Variants in EHD4 observed in about 807,000 individuals in gnomAD.
EHD4 encodes the protein EH domain containing 4, also known as EH domain-containing protein 4.
A neutral mutation model predicts 51.0 loss-of-function variants in EHD4; 37 were observed. The observed-to-expected ratio is 0.73, with a 90% CI of 0.56 to 0.95. The LOEUF (loss-of-function observed/expected upper bound fraction) is 0.95. Ranked by LOEUF, EHD4 falls within the 40% of genes least tolerant of loss-of-function variation. The pLI is 0.00. For synonymous variants in EHD4, 297 were observed against 317.3 expected (o/e 0.94, Z 0.68); for missense variants, 632 against 733.1 (o/e 0.86, Z 1.59).
chr15:41,959,961 CAAA>C (rs575509600), intron 1 of EHD4, among the ~76,000 whole-genome samples: 6 of 58,024 alleles, frequency 1.0e-4, no homozygotes, highest in Non-Finnish European at 1.1e-4. Flanking sequence ...GACTCCACCT[CAAA>C]AAAAAAAAAA....
chr15:41,900,750 G>C lies in EHD4; in HGVS notation c.1521C>G (p.Ala507=). 1 of 1,613,710 alleles carries C rather than the reference G, an allele frequency of 6.2e-7. No homozygotes were observed. The highest frequency in any genetic ancestry group is 8.5e-7 in the Non-Finnish European group (1 of 1,180,028). ...CGAGCTTGATCTTGATGAGGTGCTTGGCCAGCGCGAACTCCTCCTCATCAA... is the reference window on the plus strand; with the variant it reads ...CGAGCTTGATCTTGATGAGGTGCTTCGCCAGCGCGAACTCCTCCTCATCAA... ...GMLDEEEFAL[A]KHLIKIKLDG... The change falls in exon 6 of 6, where the codon GCC becomes GCG. Residue 507 remains alanine (A), a synonymous_variant. Coordinates refer to ENST00000220325, the MANE Select transcript of EHD4 (RefSeq NM_139265.4). This position sits in a 1 kb window ranked among gnomAD's most constrained non-coding sequence, Gnocchi z 4.8.
At chr15:41,907,175 G>A (rs1339148002) in intron 5 of EHD4, among the ~76,000 whole-genome samples, 1 of 152,198 alleles carries the variant, frequency 6.6e-6, no homozygotes. Flanking sequence ...GCGTCTCCCT[G>A]TGGCAAGGCA....
chr15:41,942,840 A>G (rs981683807), intron 3 of EHD4: 32 of 456,180 alleles, frequency 7.0e-5, no homozygotes, highest in Middle Eastern at 1.2e-3. Flanking sequence ...CCTCATCTTC[A>G]TTTACTCATG....
Position 41,898,143 on chromosome 15 carries a change from CTTTT to C in EHD4, c.*2498_*2501del, listed in dbSNP as rs886257997. ...TTAAGAAAAGTGGCCAAATGATTTC[CTTTT>C]TTTTTCCTTTCTCTCCAAGAACATT... On this transcript the variant is annotated 3_prime_UTR_variant, in exon 6 of 6. Coordinates refer to ENST00000220325, the MANE Select transcript of EHD4 (RefSeq NM_139265.4). 2.0e-5 allele frequency: 3 copies of C among 151,550 alleles called. No individual in the cohort carries two copies. The highest frequency in any genetic ancestry group is 2.1e-4 in the South Asian group (1 of 4,778). 9.4% of individuals were successfully genotyped at this position (151,550 alleles called of 1,614,324 possible). A position where few individuals can be genotyped will look rare whatever the true frequency, so the allele number is the denominator to read the frequency against.
In EHD4 at chr15:41,896,482, T is replaced by G. The variant is rs910552595; in HGVS notation, c.*4163A>C. 3 of 152,134 alleles carry G rather than the reference T, an allele frequency of 2.0e-5. No individual in the cohort carries two copies. Among genetic ancestry groups the G allele is most frequent in the African/African-American group, 7.2e-5 (3 of 41,432 alleles). 9.4% of individuals were successfully genotyped at this position (152,134 alleles called of 1,614,324 possible). A position where few individuals can be genotyped will look rare whatever the true frequency, so the allele number is the denominator to read the frequency against. ...CACATGTCCATTCCTGAGCCAATAT[T>G]TGTGACCAAGGGGATGTGGTCAATC... is the stretch of plus-strand genomic sequence containing the variant. On this transcript the variant is annotated 3_prime_UTR_variant, in exon 6 of 6. Transcript: ENST00000220325.
chr15:41,967,807 T>C (rs759967251), intron 1 of EHD4, among the ~76,000 whole-genome samples: 7 of 152,138 alleles, frequency 4.6e-5, no homozygotes, highest in Non-Finnish European at 1.0e-4. Context: ...GCTTCCAGTG[T>C]TCCAATACTT....
chr15:41,957,687 C>A (rs988418967), intron 1 of EHD4, among the ~76,000 whole-genome samples: 5 of 152,180 alleles, frequency 3.3e-5, no homozygotes, highest in Non-Finnish European at 7.4e-5. Context: ...CCTACACTGC[C>A]CCCAGCTCCC....
intron 1 of EHD4, among the ~76,000 whole-genome samples, chr15:41,959,893 C>G (rs150442398): frequency 0.014 from 2,159 of 150,836 alleles, 46 homozygotes; most frequent in African/African-American, 0.05. Context: ...TTGCTTGAAC[C>G]TGGGAGGCGG....
chr15:41,914,565 T>C (rs548297704), intron 4 of EHD4, among the ~76,000 whole-genome samples: 134 of 152,206 alleles, frequency 8.8e-4, no homozygotes, highest in African/African-American at 3.1e-3. Flanking sequence ...TGCACACTTG[T>C]CTGAGGTCAA....
chr15:41,912,326 C>T lies in EHD4; in HGVS notation c.925-2463G>A, dbSNP rs113021904. Among the ~76,000 whole-genome samples, 1,220 of 152,252 alleles carry T rather than the reference C, an allele frequency of 8.0e-3. 17 individuals are homozygous for T. Among genetic ancestry groups the T allele is most frequent in the African/African-American group, 0.027 (1,122 of 41,530 alleles). On this transcript the variant is annotated intron_variant, in intron 4 of 5. Transcript: ENST00000220325. ...TGTTACGCTGCCTCTGCATGTCCACCCGCGTCCTGCCCTTCCTGGTGCGCC... is the reference window on the plus strand; with the variant it reads ...TGTTACGCTGCCTCTGCATGTCCACTCGCGTCCTGCCCTTCCTGGTGCGCC...
chr15:41,943,222 C>A lies in EHD4; in HGVS notation c.414-58G>T. The A allele has an allele frequency of 2.2e-6, 3 of 1,388,532 alleles. No individual in the cohort carries two copies. The South Asian group carries it at 3.8e-5, about 18-fold the overall frequency. The allele number at this position is 1,388,532 out of a possible 1,614,324, so 86.0% of individuals were successfully genotyped here. A position where few individuals can be genotyped will look rare whatever the true frequency, so the allele number is the denominator to read the frequency against. Reference sequence around the variant, plus strand: ...ACTGGGCATCACAGAGTGCTCCAACCATGGGGCTTCTTGGCCTCTCTGGGC... The same window carrying A: ...ACTGGGCATCACAGAGTGCTCCAACAATGGGGCTTCTTGGCCTCTCTGGGC... On this transcript the variant is annotated intron_variant, in intron 2 of 5. Transcript: ENST00000220325.
chr15:41,935,857 G>T (rs1220709136), intron 3 of EHD4, among the ~76,000 whole-genome samples: 2 of 152,224 alleles, frequency 1.3e-5, no homozygotes, highest in East Asian at 1.9e-4. Context: ...GTCAGACAGT[G>T]GTTGGGGCTG....
At chr15:41,918,084 TTGTCCCCACCTTGGC>T (rs1257914885) in intron 4 of EHD4, among the ~76,000 whole-genome samples, 2 of 152,014 alleles carry the variant, frequency 1.3e-5, no homozygotes, top group Non-Finnish European at 2.9e-5. Context: ...GGAGGAAGAA[TTGTCCCCACCTTGGC>T]TGTCCCCATC....
chr15:41,957,668 C>T (rs1018037598), intron 1 of EHD4, among the ~76,000 whole-genome samples: 1 of 152,190 alleles, frequency 6.6e-6, no homozygotes, highest in Non-Finnish European at 1.5e-5. Flanking sequence ...AGCACCATCA[C>T]CCTGGGGTCC....
In EHD4 at chr15:41,900,550, G is replaced by T; in HGVS notation, c.*95C>A. The stretch of plus-strand genomic sequence containing the variant: ...GATGGGGAAACCAAGGCACAGAGAG[G>T]GCAGTGCCTTGCCCAAGGTCATTCG... On this transcript the variant is annotated 3_prime_UTR_variant, in exon 6 of 6. Transcript: ENST00000220325. The surrounding 1 kb of genome is among the most constrained non-coding windows in gnomAD (Gnocchi z 4.8). 1 of 1,278,922 alleles carries T rather than the reference G, an allele frequency of 7.8e-7. No homozygotes were observed. The highest frequency in any genetic ancestry group is 1.1e-6 in the Non-Finnish European group (1 of 946,624). 79.2% of individuals were successfully genotyped at this position (1,278,922 alleles called of 1,614,324 possible). A position where few individuals can be genotyped will look rare whatever the true frequency, so the allele number is the denominator to read the frequency against.
intron 3 of EHD4, among the ~76,000 whole-genome samples, chr15:41,924,975 G>A (rs1002260545): frequency 6.6e-6 from 1 of 151,162 alleles, no homozygotes; most frequent in Non-Finnish European, 1.5e-5. Flanking sequence ...CAGGAGAATC[G>A]CTTCAACCCA....
chr15:41,941,401 T>C lies in EHD4; in HGVS notation c.511+1666A>G, dbSNP rs376443201. ...CATTTCTATTAGAAATGTGTTTGCA[T>C]ATGCGCAGGAAAAAGTCTCTAAGAA... is the stretch of plus-strand genomic sequence containing the variant. On this transcript the variant is annotated intron_variant, in intron 3 of 5. Coordinates refer to ENST00000220325, the MANE Select transcript of EHD4 (RefSeq NM_139265.4). Among the ~76,000 whole-genome samples, 18 of 152,312 alleles carry C rather than the reference T, an allele frequency of 1.2e-4. No individual in the cohort carries two copies. The South Asian group carries it at 3.1e-3, about 26-fold the overall frequency.
intron 3 of EHD4, among the ~76,000 whole-genome samples, chr15:41,938,917 T>C (rs1258078636): frequency 2.0e-5 from 3 of 152,208 alleles, no homozygotes; most frequent in Non-Finnish European, 4.4e-5. Flanking sequence ...GGAACACACT[T>C]GTGTTCATGC....
At chr15:41,934,360 A>G (rs2067718323) in intron 3 of EHD4, among the ~76,000 whole-genome samples, 1 of 147,894 alleles carries the variant, frequency 6.8e-6, no homozygotes, top group Non-Finnish European at 1.5e-5. Flanking sequence ...TCTGTTACCC[A>G]GGCTGGAGTA....
Sources: allele counts gnomAD v4.1 joint callset (sites outside exome capture counted in the v4.1 genomes callset), GRCh38; gene constraint gnomAD v4.1.1; non-coding constraint Gnocchi (gnomAD v3.1); transcripts MANE v1.5; gene names NCBI Gene and HGNC (gene_info 2026-07-23, HGNC 2026-07-21).